Variants in ALOX5 observed in about 807,000 individuals in gnomAD.
ALOX5 encodes the protein arachidonate 5-lipoxygenase.
In ALOX5, 64 loss-of-function variants were observed where a neutral mutation model predicts 87.9. That is an observed-to-expected ratio of 0.73 (90% CI 0.60 to 0.90). The LOEUF (loss-of-function observed/expected upper bound fraction) is 0.90. ALOX5 is among the 40% of genes least tolerant of loss of function. ALOX5 has a pLI of 0.00. For synonymous variants in ALOX5, 388 were observed against 355.1 expected, an observed-to-expected ratio of 1.09 and a Z score of -1.04; for missense variants, 822 against 907.5, an observed-to-expected ratio of 0.91 and a Z score of 1.21.
intron 4 of ALOX5, among the ~76,000 whole-genome samples, chr10:45,417,516 C>T (rs536741954): frequency 6.6e-6 from 1 of 152,198 alleles, no homozygotes; most frequent in Non-Finnish European, 1.5e-5. Context: ...CCCAGCTCCA[C>T]CATCTCTCCT....
intron 4 of ALOX5, among the ~76,000 whole-genome samples, chr10:45,418,226 A>G (rs1184867708): frequency 3.3e-5 from 5 of 152,116 alleles, no homozygotes; most frequent in African/African-American, 9.7e-5. Context: ...CTGGACCACA[A>G]GGAAGCAGCT....
intron 2 of ALOX5, among the ~76,000 whole-genome samples, chr10:45,392,777 A>G (rs1417877710): frequency 6.6e-6 from 1 of 152,244 alleles, no homozygotes; most frequent in African/African-American, 2.4e-5. Context: ...GGACATCACC[A>G]CGGATTCCAC....
intron 6 of ALOX5, among the ~76,000 whole-genome samples, chr10:45,427,042 CA>C (rs1457852271): frequency 6.6e-6 from 1 of 152,176 alleles, no homozygotes; most frequent in Non-Finnish European, 1.5e-5. Flanking sequence ...TCTAGACAGG[CA>C]AAAACTCCAC....
rs375860151 is a variant in ALOX5, at chr10:45,440,641, C to T, written c.1185+8C>T. Reference sequence around the variant, plus strand: ...GTGCACCCCATTTTCAAGGTACAGCCAGCTACCGCCCCACCTGCTATGGGA... The same window carrying T: ...GTGCACCCCATTTTCAAGGTACAGCTAGCTACCGCCCCACCTGCTATGGGA... On this transcript the variant is annotated splice_region_variant and intron_variant, in intron 8 of 13. Coordinates refer to ENST00000374391, the MANE Select transcript of ALOX5 (RefSeq NM_000698.5). 4 of 1,613,314 alleles carry T rather than the reference C, an allele frequency of 2.5e-6. No homozygotes were observed. In the African/African-American group the frequency reaches 5.3e-5, roughly 22 times the overall value.
rs866106385 is a variant in ALOX5, at chr10:45,426,847, G to C, written c.834+1715G>C. On this transcript the variant is annotated intron_variant, in intron 6 of 13. Coordinates refer to ENST00000374391, the MANE Select transcript of ALOX5 (RefSeq NM_000698.5). ...GTTTCCTTATGTGGAGGTAAAAAAT[G>C]ATCACCGGCAGCTTCAGATTTACCT... is the stretch of plus-strand genomic sequence containing the variant. Among the ~76,000 whole-genome samples the C allele has an allele frequency of 5.3e-5, 8 of 152,262 alleles. No individual in the cohort carries two copies. In the South Asian group the frequency reaches 1.7e-3, roughly 32 times the overall value.
chr10:45,413,708 C>G (rs1841158546), intron 4 of ALOX5, among the ~76,000 whole-genome samples: 1 of 152,152 alleles, frequency 6.6e-6, no homozygotes, highest in African/African-American at 2.4e-5. Flanking sequence ...CGTCTCAGCC[C>G]AAAATCTCCT....
At chr10:45,422,562 G>A (rs983646971) in intron 4 of ALOX5, among the ~76,000 whole-genome samples, 1 of 152,218 alleles carries the variant, frequency 6.6e-6, no homozygotes, top group African/African-American at 2.4e-5. Flanking sequence ...CTGGACACTA[G>A]AAGGCCTGGG....
At chr10:45,405,754 T>C (rs1030790890) in intron 3 of ALOX5, among the ~76,000 whole-genome samples, 7 of 135,944 alleles carry the variant, frequency 5.1e-5, no homozygotes, top group African/African-American at 2.0e-4. Flanking sequence ...TTTTTTTTTT[T>C]GAGACAGAGT....
At chr10:45,417,912 C>T (rs556510261) in intron 4 of ALOX5, among the ~76,000 whole-genome samples, 1 of 152,300 alleles carries the variant, frequency 6.6e-6, no homozygotes, top group South Asian at 2.1e-4. Context: ...GCCTCTGGCC[C>T]CAGTGAGGTC....
chr10:45,381,814 C>T (rs544018782), intron 1 of ALOX5, among the ~76,000 whole-genome samples: 5 of 152,376 alleles, frequency 3.3e-5, no homozygotes, highest in African/African-American at 1.2e-4. Flanking sequence ...TGGGTCGTAG[C>T]ACTGAGCCTT....
intron 7 of ALOX5, among the ~76,000 whole-genome samples, chr10:45,429,765 A>G (rs1841851382): frequency 6.6e-6 from 1 of 152,208 alleles, no homozygotes; most frequent in South Asian, 2.1e-4. Flanking sequence ...AAGTATACCC[A>G]CTGCTAAAAT....
intron 3 of ALOX5, among the ~76,000 whole-genome samples, chr10:45,402,086 C>CA (rs10649706): frequency 0.012 from 1,233 of 101,072 alleles, 69 homozygotes; most frequent in African/African-American, 0.031. Flanking sequence ...GACTCCGTCT[C>CA]AAAAAAAAAA....
intron 1 of ALOX5, among the ~76,000 whole-genome samples, chr10:45,374,646 C>T (rs1370921436): frequency 1.3e-5 from 2 of 152,162 alleles, no homozygotes; most frequent in Non-Finnish European, 2.9e-5. Flanking sequence ...GCGTCCAGGA[C>T]CCCTCGCGGC....
Position 45,428,714 on chromosome 10 carries a change from T to A in ALOX5, c.931T>A (p.Cys311Ser). Reference protein sequence around the residue: ...CTLQFLAAPICLLYKNLANKI... With the variant: ...CTLQFLAAPISLLYKNLANKI... ...ACTCCAGTTCCTGGCCGCTCCCATCTGCTTGCTGTATAAGAACCTGGCCAA... is the reference window on the plus strand; with the variant it reads ...ACTCCAGTTCCTGGCCGCTCCCATCAGCTTGCTGTATAAGAACCTGGCCAA... The change falls in exon 7 of 14, where the codon TGC becomes AGC. Residue 311 changes from cysteine to serine, a missense_variant. By Grantham distance (112) the Cys-to-Ser change is moderately radical. Coordinates refer to ENST00000374391, the MANE Select transcript of ALOX5 (RefSeq NM_000698.5). 1 of 1,614,114 alleles carries A rather than the reference T, an allele frequency of 6.2e-7. No individual in the cohort carries two copies. The highest frequency in any genetic ancestry group is 8.5e-7 in the Non-Finnish European group (1 of 1,180,030).
At chr10:45,424,892 C>A in intron 5 of ALOX5, 68 bp from the exon 6 acceptor site, 2 of 1,575,948 alleles carry the variant, frequency 1.3e-6, no homozygotes, top group South Asian at 2.3e-5. Flanking sequence ...TAGGTGAGGT[C>A]AGGAGGGCCA....
chr10:45,388,433 C>T (rs996865259), intron 2 of ALOX5, among the ~76,000 whole-genome samples: 4 of 152,230 alleles, frequency 2.6e-5, no homozygotes, highest in African/African-American at 9.6e-5. Context: ...AACTGGGAGG[C>T]ACCCTCCAGT....
rs772593707 is a variant in ALOX5, at chr10:45,374,445, G to T, written c.150+16G>T. On this transcript the variant is annotated intron_variant, in intron 1 of 13. Coordinates refer to ENST00000374391, the MANE Select transcript of ALOX5 (RefSeq NM_000698.5). ...GCGTGGCGCGGTGAGCGCGGGCGGG[G>T]CACGGGTGGAGCGCGGGCTGAGGTG... 5.2e-6 allele frequency: 8 copies of T among 1,537,028 alleles called. 1 individual carries two copies. The South Asian group carries it at 8.6e-5, about 17-fold the overall frequency.
chr10:45,407,088 C>T (rs1840911577), intron 3 of ALOX5, among the ~76,000 whole-genome samples: 1 of 152,146 alleles, frequency 6.6e-6, no homozygotes, highest in African/African-American at 2.4e-5. Flanking sequence ...CTGTGCTTGT[C>T]GTCCTGTCCC....
intron 2 of ALOX5, among the ~76,000 whole-genome samples, chr10:45,394,186 GC>G (rs1423905130): frequency 6.6e-6 from 1 of 152,170 alleles, no homozygotes; most frequent in Middle Eastern, 3.2e-3. Context: ...GAGGCATCAT[GC>G]TACCTGACTT....
Sources: gnomAD v4.1 joint callset for allele counts (sites outside exome capture counted in the v4.1 genomes callset) on GRCh38, gnomAD v4.1.1 for gene constraint, MANE v1.5 for transcripts, NCBI Gene and HGNC (gene_info 2026-07-23, HGNC 2026-07-21) for gene names.